Variants in IL1RAPL1 observed in about 807,000 individuals in gnomAD.
IL1RAPL1 encodes the protein interleukin 1 receptor accessory protein like 1, also known as interleukin-1 receptor accessory protein-like 1.
In IL1RAPL1, 3 loss-of-function variants were observed where a neutral mutation model predicts 48.4. The ratio of observed to expected loss-of-function variants is 0.06; its 90% confidence interval spans 0.03 to 0.16. The LOEUF is 0.16. IL1RAPL1 is among the 10% of genes least tolerant of loss of function. IL1RAPL1 has a pLI of 1.00. For synonymous variants in IL1RAPL1, 185 were observed against 187.7 expected (o/e 0.99, Z 0.12); for missense variants, 349 against 530.6 (o/e 0.66, Z 3.36).
intron 5 of IL1RAPL1, among the ~76,000 whole-genome samples, chrX:29,658,723 A>C (rs1043885815): frequency 4.5e-5 from 5 of 111,854 alleles, no homozygotes; most frequent in Non-Finnish European, 7.5e-5. Context: ...TTTGGGGTGT[A>C]TGTGATATTT....
At chrX:29,392,589 A>G in intron 3 of IL1RAPL1, among the ~76,000 whole-genome samples, 1 of 112,426 alleles carries the variant, frequency 8.9e-6, no homozygotes, top group South Asian at 3.7e-4. Context: ...AAATAGTGCC[A>G]TCCTGGAGAG....
intron 2 of IL1RAPL1, among the ~76,000 whole-genome samples, chrX:29,229,047 A>G (rs1931144855): frequency 8.9e-6 from 1 of 111,935 alleles, no homozygotes; most frequent in African/African-American, 3.3e-5. Context: ...TCCAAGGACA[A>G]GTTCCAGGGA....
intron 2 of IL1RAPL1, among the ~76,000 whole-genome samples, chrX:29,102,866 A>T (rs1180957973): frequency 9.0e-6 from 1 of 111,302 alleles, no homozygotes; most frequent in Non-Finnish European, 1.9e-5. Context: ...TCAAGAAAGT[A>T]ATCCCATTTA....
At chrX:29,522,829 T>G in intron 5 of IL1RAPL1, among the ~76,000 whole-genome samples, 1 of 111,637 alleles carries the variant, frequency 9.0e-6, no homozygotes, top group East Asian at 2.8e-4. Context: ...AATTCCATTT[T>G]AACTCCCCTT....
chrX:29,812,701 C>CG (rs948830356), intron 6 of IL1RAPL1, among the ~76,000 whole-genome samples: 34 of 111,675 alleles, frequency 3.0e-4, no homozygotes, highest in African/African-American at 1.0e-3. Flanking sequence ...ATACCTTCCT[C>CG]TCTGTGAGTT....
intron 2 of IL1RAPL1, among the ~76,000 whole-genome samples, chrX:29,006,086 T>C (rs1490829751): frequency 5.4e-5 from 6 of 111,586 alleles, no homozygotes; most frequent in African/African-American, 2.0e-4. Context: ...GAGGGGGATC[T>C]GTAAAGAATG....
chrX:28,701,031 T>G (rs1935289311), intron 1 of IL1RAPL1, among the ~76,000 whole-genome samples: 1 of 111,835 alleles, frequency 8.9e-6, no homozygotes, highest in African/African-American at 3.3e-5. Context: ...CATGTGTCTT[T>G]ATAGTAGAAT....
At chrX:29,008,084 C>T (rs1376514262) in intron 2 of IL1RAPL1, among the ~76,000 whole-genome samples, 1 of 111,820 alleles carries the variant, frequency 8.9e-6, no homozygotes, top group African/African-American at 3.3e-5. Context: ...TCACTACAAT[C>T]TCTCCCTTCT....
intron 2 of IL1RAPL1, among the ~76,000 whole-genome samples, chrX:29,248,111 A>G (rs190443747): frequency 3.6e-5 from 4 of 112,200 alleles, no homozygotes; most frequent in African/African-American, 9.7e-5. Context: ...GAAAAAGACA[A>G]ACACAAACAA....
intron 1 of IL1RAPL1, among the ~76,000 whole-genome samples, chrX:28,729,846 A>G (rs1935731781): frequency 9.0e-6 from 1 of 110,573 alleles, no homozygotes; most frequent in Admixed American, 9.8e-5. Flanking sequence ...AAATACAAAA[A>G]TTAGCTGGGT....
intron 2 of IL1RAPL1, among the ~76,000 whole-genome samples, chrX:29,201,177 C>T (rs1484761349): frequency 9.0e-6 from 1 of 111,507 alleles, no homozygotes; most frequent in East Asian, 2.8e-4. Flanking sequence ...ATCTTTCATC[C>T]TATTAGATAT....
chrX:29,600,963 G>A (rs1923701535), intron 5 of IL1RAPL1, among the ~76,000 whole-genome samples: 1 of 110,967 alleles, frequency 9.0e-6, no homozygotes, highest in African/African-American at 3.3e-5. Context: ...GGCAGCTGGT[G>A]CCCAGGGCTG....
At chrX:29,544,696 C>G (rs1279248935) in intron 5 of IL1RAPL1, among the ~76,000 whole-genome samples, 1 of 107,758 alleles carries the variant, frequency 9.3e-6, no homozygotes, top group African/African-American at 3.4e-5. Context: ...TTGCAGAAGC[C>G]TACTAGTGTT....
intron 5 of IL1RAPL1, among the ~76,000 whole-genome samples, chrX:29,552,490 A>T (rs1250959190): frequency 9.0e-6 from 1 of 111,361 alleles, no homozygotes; most frequent in Admixed American, 9.6e-5. Flanking sequence ...ATTCTTTTAA[A>T]ATTATTTTTA....
chrX:28,812,271 A>G (rs1209254680), intron 2 of IL1RAPL1, among the ~76,000 whole-genome samples: 1 of 111,095 alleles, frequency 9.0e-6, no homozygotes, highest in Non-Finnish European at 1.9e-5. Flanking sequence ...CAGAAATCAG[A>G]AAACAAATAA....
At chrX:29,624,333 T>C (rs967223761) in intron 5 of IL1RAPL1, among the ~76,000 whole-genome samples, 1 of 112,026 alleles carries the variant, frequency 8.9e-6, no homozygotes, top group African/African-American at 3.2e-5. Flanking sequence ...AATATTGTAA[T>C]GATACTCAAT....
intron 2 of IL1RAPL1, among the ~76,000 whole-genome samples, chrX:29,017,118 C>T (rs1466837584): frequency 9.0e-6 from 1 of 111,586 alleles, no homozygotes; most frequent in Admixed American, 9.6e-5. Flanking sequence ...TTATATGATT[C>T]GACGTGAATC....
chrX:28,872,186 CA>C (rs1216630768), intron 2 of IL1RAPL1, among the ~76,000 whole-genome samples: 7 of 55,775 alleles, frequency 1.3e-4, no homozygotes, highest in African/African-American at 1.2e-3. Flanking sequence ...TATTTAAAAA[CA>C]ATTTTTTTTT....
chrX:28,934,610 C>T (rs757721677), intron 2 of IL1RAPL1, among the ~76,000 whole-genome samples: 2 of 111,588 alleles, frequency 1.8e-5, no homozygotes, highest in African/African-American at 6.5e-5. Flanking sequence ...GCCTATTCTG[C>T]ACAATTTATA....
Sources: allele counts gnomAD v4.1 joint callset (sites outside exome capture counted in the v4.1 genomes callset), GRCh38; gene constraint gnomAD v4.1.1; transcripts MANE v1.5; gene names NCBI Gene and HGNC (gene_info 2026-07-23, HGNC 2026-07-21).